The following POT1 variants were observed in gnomAD, a reference collection of about 807,000 sequenced individuals.
POT1 encodes the protein protection of telomeres 1, also known as protection of telomeres protein 1.
In POT1, 47 loss-of-function variants were observed where a neutral mutation model predicts 78.5. That is an observed-to-expected ratio of 0.60 (90% CI 0.47 to 0.76). The LOEUF (loss-of-function observed/expected upper bound fraction) is 0.76. Ranked by LOEUF, POT1 falls within the 30% of genes least tolerant of loss-of-function variation. The probability of loss-of-function intolerance (pLI) is 0.00; values close to 1 mark genes in which losing one functional copy is unlikely to be tolerated. For synonymous variants in POT1, 259 were observed against 260.7 expected, an observed-to-expected ratio of 0.99 and a Z score of 0.06; for missense variants, 646 against 749.9, an observed-to-expected ratio of 0.86 and a Z score of 1.62.
At chr7:124,841,410 T>C (rs541528982) in intron 13 of POT1, among the ~76,000 whole-genome samples, 2 of 152,072 alleles carry the variant, frequency 1.3e-5, no homozygotes, top group African/African-American at 4.8e-5. Flanking sequence ...CATATTTACA[T>C]TAACTACCAG....
At chr7:124,891,234 T>C (rs1563007760) in intron 6 of POT1, among the ~76,000 whole-genome samples, 1 of 151,754 alleles carries the variant, frequency 6.6e-6, no homozygotes, top group African/African-American at 2.4e-5. Context: ...ATTTTCTTGG[T>C]GAATTAACCC....
At chr7:124,897,272 CT>C (rs1796515090) in intron 4 of POT1, 60 bp from the exon 5 acceptor site, 2 of 624,466 alleles carry the variant, frequency 3.2e-6, no homozygotes, top group Non-Finnish European at 2.6e-6. Context: ...TGATTACATG[CT>C]TTTAGTTGTA....
At chr7:124,857,439 C>A (rs117116117) in intron 9 of POT1, among the ~76,000 whole-genome samples, 1 of 152,198 alleles carries the variant, frequency 6.6e-6, no homozygotes, top group Non-Finnish European at 1.5e-5. Context: ...ACTTACATCC[C>A]TGTTTTCCTG....
At chr7:124,870,398 T>C (rs187729239) in intron 7 of POT1, among the ~76,000 whole-genome samples, 16 of 152,128 alleles carry the variant, frequency 1.1e-4, no homozygotes, top group Non-Finnish European at 2.2e-4. Flanking sequence ...ACTACAGGCA[T>C]AATTTTTAAA....
In POT1 at chr7:124,834,627, T is replaced by C. The variant is rs1386736067; in HGVS notation, c.1505+652A>G. 4.0e-5 allele frequency among the ~76,000 whole-genome samples: 6 copies of C among 151,738 alleles called. No individual in the cohort carries two copies. The East Asian group carries it at 1.2e-3, about 29-fold the overall frequency. The stretch of plus-strand genomic sequence containing the variant: ...TTGAGACAATGTGGAGAAACAGGAA[T>C]GCTTTTACACTGTTGGTGGGAGTGT... On this transcript the variant is annotated intron_variant, in intron 15 of 18. Coordinates refer to ENST00000357628, the MANE Select transcript of POT1 (RefSeq NM_015450.3).
rs745804522 is a variant in POT1, at chr7:124,859,124, G to C, written c.547-12C>G. The C allele has an allele frequency of 2.0e-6, 3 of 1,513,462 alleles. No individual in the cohort carries two copies. The highest frequency in any genetic ancestry group is 1.4e-5 in the African/African-American group (1 of 72,156). The allele number at this position is 1,513,462 out of a possible 1,614,324, so 93.8% of individuals were successfully genotyped here. ...GTGCCATCCCATACCTGCCATAAGA[G>C]AGTAGAGTAGTTTTATGATCCTTTT... On this transcript the variant is annotated splice_polypyrimidine_tract_variant and intron_variant, in intron 8 of 18. Coordinates refer to ENST00000357628, the MANE Select transcript of POT1 (RefSeq NM_015450.3).
chr7:124,860,466 A>G (rs1795564086), intron 8 of POT1, among the ~76,000 whole-genome samples: 1 of 152,176 alleles, frequency 6.6e-6, no homozygotes, highest in Non-Finnish European at 1.5e-5. Flanking sequence ...TGTAAGAAAG[A>G]TAAATATATT....
chr7:124,844,798 A>C (rs977086359), intron 12 of POT1, among the ~76,000 whole-genome samples: 1 of 151,396 alleles, frequency 6.6e-6, no homozygotes, highest in African/African-American at 2.4e-5. Flanking sequence ...ATTGCTACAC[A>C]GTGATAAGAG....
chr7:124,824,194 T>C, intron 18 of POT1, 120 bp from the exon 19 acceptor site: 2 of 592,790 alleles, frequency 3.4e-6, no homozygotes, highest in Non-Finnish European at 5.8e-6. Context: ...GCTTGAAAAG[T>C]AAGTAAACGT....
At chr7:124,923,107 A>G (rs1797191292) in intron 2 of POT1, among the ~76,000 whole-genome samples, 1 of 151,928 alleles carries the variant, frequency 6.6e-6, no homozygotes, top group South Asian at 2.1e-4. Context: ...GGAAACATGA[A>G]AAAGCAGGGA....
intron 12 of POT1, among the ~76,000 whole-genome samples, chr7:124,843,966 TTAA>T (rs1431235998): frequency 2.0e-5 from 3 of 152,178 alleles, no homozygotes; most frequent in African/African-American, 7.2e-5. Context: ...AATATTTCAG[TTAA>T]TAAAGTTTAT....
At chr7:124,911,871 T>C (rs7794631) in intron 3 of POT1, among the ~76,000 whole-genome samples, 91,310 of 151,856 alleles carry the variant, frequency 0.6, 27,583 homozygotes, top group African/African-American at 0.65. Flanking sequence ...CTCAAGGGCA[T>C]TGAATTATTT....
At chr7:124,883,128 C>A (rs1796160989) in intron 6 of POT1, among the ~76,000 whole-genome samples, 1 of 152,004 alleles carries the variant, frequency 6.6e-6, no homozygotes, top group Admixed American at 6.6e-5. Flanking sequence ...CCCTCACTCA[C>A]CTAGACATAT....
intron 6 of POT1, among the ~76,000 whole-genome samples, chr7:124,878,649 T>A (rs904195604): frequency 2.6e-5 from 4 of 152,098 alleles, no homozygotes; most frequent in Non-Finnish European, 5.9e-5. Context: ...AATAATCCCA[T>A]ACACAACTAC....
At chr7:124,891,528 T>C (rs1338697395) in intron 6 of POT1, among the ~76,000 whole-genome samples, 1 of 151,494 alleles carries the variant, frequency 6.6e-6, no homozygotes, top group Non-Finnish European at 1.5e-5. Flanking sequence ...TAGTTATTCA[T>C]TAGGAAGGTC....
At chr7:124,908,320 G>A (rs770363758) in intron 3 of POT1, among the ~76,000 whole-genome samples, 53 of 152,064 alleles carry the variant, frequency 3.5e-4, no homozygotes, top group Non-Finnish European at 6.8e-4. Flanking sequence ...ACTGGGTTGA[G>A]TAATACCAAG....
intron 2 of POT1, 66 bp downstream of exon 2, chr7:124,928,749 A>G (rs942951501): frequency 1.3e-5 from 2 of 152,660 alleles, no homozygotes; most frequent in South Asian, 4.1e-4. Context: ...TCATAAATAA[A>G]CTCAACACTT....
At chr7:124,905,967 T>A (rs1246140254) in intron 3 of POT1, among the ~76,000 whole-genome samples, 1 of 152,012 alleles carries the variant, frequency 6.6e-6, no homozygotes, top group Non-Finnish European at 1.5e-5. Flanking sequence ...AGAATGGCAA[T>A]CATTAAAAAG....
chr7:124,888,477 T>C (rs1224680808), intron 6 of POT1, among the ~76,000 whole-genome samples: 1 of 152,050 alleles, frequency 6.6e-6, no homozygotes, highest in Non-Finnish European at 1.5e-5. Context: ...ATTTGAAGAT[T>C]GATTTTTATT....
Sources: allele counts gnomAD v4.1 joint callset (sites outside exome capture counted in the v4.1 genomes callset), GRCh38; gene constraint gnomAD v4.1.1; transcripts MANE v1.5; gene names NCBI Gene and HGNC (gene_info 2026-07-23, HGNC 2026-07-21).